FHOD3: variants seen among roughly 807,000 people sequenced by gnomAD.
The protein encoded by FHOD3 is formin homology 2 domain containing 3.
In FHOD3, 90 loss-of-function variants were observed where a neutral mutation model predicts 173.0. The ratio of observed to expected loss-of-function variants is 0.52; its 90% confidence interval spans 0.44 to 0.62. The LOEUF (loss-of-function observed/expected upper bound fraction) is 0.62, where lower values mean the gene tolerates loss of function less well. Among genes scored for constraint, FHOD3 ranks in the 20% least tolerant of loss-of-function variants. FHOD3 has a pLI of 0.00. For missense variants in FHOD3, 1,945 were observed against 2,034.7 expected, an observed-to-expected ratio of 0.96 and a Z score of 0.85; for synonymous variants, 828 against 823.0, an observed-to-expected ratio of 1.01 and a Z score of -0.10.
chr18:36,685,106 T>C (rs757679766), intron 15 of FHOD3, among the ~76,000 whole-genome samples: 1 of 152,206 alleles, frequency 6.6e-6, no homozygotes, highest in Non-Finnish European at 1.5e-5. Flanking sequence ...CACCTGCCCA[T>C]GTGTTATAAT....
intron 3 of FHOD3, among the ~76,000 whole-genome samples, chr18:36,434,795 G>C (rs976607109): frequency 3.3e-5 from 5 of 151,668 alleles, no homozygotes; most frequent in African/African-American, 9.7e-5. Flanking sequence ...TTATTCTTAG[G>C]TGTGTCATTT....
Position 36,681,425 on chromosome 18 carries a change from T to C in FHOD3, c.1836-11T>C. 1 of 1,613,408 alleles carries C rather than the reference T, an allele frequency of 6.2e-7. No individual in the cohort carries two copies. On this transcript the variant is annotated splice_polypyrimidine_tract_variant and intron_variant, in intron 14 of 28. Coordinates refer to ENST00000590592, the MANE Select transcript of FHOD3 (RefSeq NM_001281740.3). ...CCAAGCAACTGAAACATTAACTCAT[T>C]GTATCTCCAGGTCATCACCGAGTGG...
At chr18:36,334,134 C>T (rs939783965) in intron 1 of FHOD3, among the ~76,000 whole-genome samples, 3 of 152,204 alleles carry the variant, frequency 2.0e-5, no homozygotes, top group Non-Finnish European at 2.9e-5. Context: ...AATCCTGGCC[C>T]TGCCCCAACT....
At chr18:36,746,870 A>G (rs1156346629) in intron 23 of FHOD3, 75 bp from the exon 24 acceptor site, 1 of 1,139,398 alleles carries the variant, frequency 8.8e-7, no homozygotes, top group African/African-American at 1.6e-5. Flanking sequence ...TTCTCCCCAG[A>G]GGCAGTTTTG....
chr18:36,424,294 GTA>G (rs2050134586), intron 3 of FHOD3, among the ~76,000 whole-genome samples: 2 of 152,150 alleles, frequency 1.3e-5, no homozygotes, highest in African/African-American at 2.4e-5. Flanking sequence ...CACTTAGTGT[GTA>G]TAAAACTGTG....
At chr18:36,427,300 A>AG in intron 3 of FHOD3, among the ~76,000 whole-genome samples, 1 of 151,046 alleles carries the variant, frequency 6.6e-6, no homozygotes, top group Admixed American at 6.6e-5. Context: ...AAAAAAAAAA[A>AG]AAAAAAAAAA....
chr18:36,359,374 G>C (rs1360845860), intron 2 of FHOD3, among the ~76,000 whole-genome samples: 1 of 152,204 alleles, frequency 6.6e-6, no homozygotes, highest in Admixed American at 6.5e-5. Context: ...ACCTTCAAAA[G>C]TAGAAGGACA....
chr18:36,552,477 A>G (rs1285260332), intron 5 of FHOD3, among the ~76,000 whole-genome samples: 3 of 151,444 alleles, frequency 2.0e-5, no homozygotes, highest in Non-Finnish European at 4.4e-5. Flanking sequence ...TCCTAATTGA[A>G]TACCCTTTAT....
intron 25 of FHOD3, 80 bp from the exon 26 acceptor site, chr18:36,759,038 T>G: frequency 1.5e-4 from 213 of 1,434,208 alleles, no homozygotes; most frequent in Non-Finnish European, 1.8e-4. Context: ...GACATTGCGA[T>G]GATCTTTTTG....
At chr18:36,443,312 T>C (rs1374211169) in intron 3 of FHOD3, among the ~76,000 whole-genome samples, 2 of 152,230 alleles carry the variant, frequency 1.3e-5, no homozygotes, top group African/African-American at 4.8e-5. Flanking sequence ...TCTGTACTTA[T>C]TAATTAGAAT....
At chr18:36,398,768 G>A (rs751400571) in intron 3 of FHOD3, among the ~76,000 whole-genome samples, 2 of 152,132 alleles carry the variant, frequency 1.3e-5, no homozygotes, top group African/African-American at 2.4e-5. Context: ...ACCAAAATAG[G>A]TAAAAGTCTG....
chr18:36,378,450 C>T (rs1367827326), intron 3 of FHOD3, among the ~76,000 whole-genome samples: 2 of 151,900 alleles, frequency 1.3e-5, no homozygotes, highest in Non-Finnish European at 2.9e-5. Context: ...CTAGAAGGCC[C>T]TTAGGTCTCG....
chr18:36,501,380 C>A (rs1191297194), intron 3 of FHOD3, among the ~76,000 whole-genome samples: 1 of 152,156 alleles, frequency 6.6e-6, no homozygotes, highest in Non-Finnish European at 1.5e-5. Flanking sequence ...GCCTAGGGAA[C>A]CCTAGGGCCT....
chr18:36,505,423 C>T (rs1488890065), intron 4 of FHOD3, among the ~76,000 whole-genome samples: 1 of 152,112 alleles, frequency 6.6e-6, no homozygotes, highest in Non-Finnish European at 1.5e-5. Flanking sequence ...GCAGAAGTTA[C>T]TGAAAAATAG....
chr18:36,746,061 A>G (rs1173192169), intron 23 of FHOD3, among the ~76,000 whole-genome samples: 1 of 151,712 alleles, frequency 6.6e-6, no homozygotes, highest in Non-Finnish European at 1.5e-5. Flanking sequence ...TATTTTTTTC[A>G]TGACTAAAAA....
At chr18:36,377,992 G>C (rs2047532563) in intron 3 of FHOD3, among the ~76,000 whole-genome samples, 1 of 152,186 alleles carries the variant, frequency 6.6e-6, no homozygotes, top group Non-Finnish European at 1.5e-5. Flanking sequence ...CCTGTCCCTG[G>C]ACATCATGGT....
At chr18:36,574,446 T>C (rs1290224067) in intron 5 of FHOD3, among the ~76,000 whole-genome samples, 1 of 152,178 alleles carries the variant, frequency 6.6e-6, no homozygotes, top group Non-Finnish European at 1.5e-5. Context: ...AATATTGTCT[T>C]ACTAGTTTGT....
chr18:36,699,856 T>C (rs16968181), intron 17 of FHOD3, among the ~76,000 whole-genome samples: 20,891 of 152,182 alleles, frequency 0.14, 1,691 homozygotes, highest in Non-Finnish European at 0.18. Context: ...TTTGAATTTG[T>C]AACTTCTGTG....
At chr18:36,307,269 T>A (rs2092126223) in intron 1 of FHOD3, among the ~76,000 whole-genome samples, 4 of 152,240 alleles carry the variant, frequency 2.6e-5, no homozygotes, top group Admixed American at 2.6e-4. Flanking sequence ...GCCTGAGCTT[T>A]ATTTTTTAGA....
Sources: gnomAD v4.1 joint callset for allele counts (sites outside exome capture counted in the v4.1 genomes callset) on GRCh38, gnomAD v4.1.1 for gene constraint, MANE v1.5 for transcripts, NCBI Gene and HGNC (gene_info 2026-07-23, HGNC 2026-07-21) for gene names.